MGST1: variants seen among roughly 807,000 people sequenced by gnomAD.
MGST1 encodes microsomal glutathione S-transferase 1.
A neutral mutation model predicts 8.9 loss-of-function variants in MGST1; 5 were observed. The observed-to-expected ratio is 0.56, with a 90% CI of 0.29 to 1.19. The LOEUF is 1.19. Ranked by LOEUF, MGST1 falls within the 50% of genes most tolerant of loss-of-function variation. The pLI is 0.08. For missense variants in MGST1, 182 were observed against 187.4 expected (o/e 0.97, Z 0.17); for synonymous variants, 54 against 67.8 (o/e 0.80, Z 1.00).
chr12:16,566,041 A>ATAT (rs1942599289), intron 4 of MGST1, among the ~76,000 whole-genome samples: 1 of 90,764 alleles, frequency 1.1e-5, no homozygotes, highest in African/African-American at 4.0e-5. Flanking sequence ...TATATATATA[A>ATAT]AATGGAGTAC....
intron 4 of MGST1, among the ~76,000 whole-genome samples, chr12:16,483,472 A>G (rs1941378573): frequency 1.3e-5 from 2 of 152,154 alleles, no homozygotes; most frequent in African/African-American, 2.4e-5. Context: ...CAAGGCAAAT[A>G]GAGCATAAAA....
At chr12:16,367,056 ATAGG>A (rs1472621549), downstream of MGST1, among the ~76,000 whole-genome samples, 2 of 152,194 alleles carry the variant, frequency 1.3e-5, no homozygotes, top group African/African-American at 4.8e-5. Context: ...AATCTTCTTA[ATAGG>A]TGGGACATCT....
chr12:16,363,933 A>G lies in MGST1; in HGVS notation c.360A>G (p.Ala120=), dbSNP rs143321623. The G allele has an allele frequency of 9.4e-5, 151 of 1,613,770 alleles. No homozygotes were observed. The highest frequency in any genetic ancestry group is 1.1e-4 in the Non-Finnish European group (134 of 1,179,902). The part of the protein sequence containing the change: ...FVGARIYHTI[A]YLTPLPQPNR... ...GAGCACGGATCTACCACACCATTGC[A>G]TATTTGACACCCCTTCCCCAGCCAA... The change falls in exon 4 of 4, where the codon GCA becomes GCG. Residue 120 remains alanine, a synonymous_variant. Transcript: ENST00000396210. This position sits in a 1 kb window ranked among gnomAD's most constrained non-coding sequence, Gnocchi z 4.6.
At chr12:16,391,249 C>A (rs567170226) in intron 1 of MGST1, among the ~76,000 whole-genome samples, 13 of 151,740 alleles carry the variant, frequency 8.6e-5, no homozygotes, top group African/African-American at 3.1e-4. Context: ...GCTATCAACC[C>A]ATCATCTAGG....
chr12:16,447,748 G>A (rs1039456120), intron 4 of MGST1, among the ~76,000 whole-genome samples: 1 of 151,984 alleles, frequency 6.6e-6, no homozygotes. Context: ...CCTGGTGGAA[G>A]ATTATGGTGC....
chr12:16,539,126 C>A (rs891840166), intron 4 of MGST1, among the ~76,000 whole-genome samples: 15 of 152,152 alleles, frequency 9.9e-5, no homozygotes, highest in Admixed American at 2.0e-4. Flanking sequence ...GGCGGGGACA[C>A]AGAGCCAAAC....
At chr12:16,414,508 C>T (rs868637338) in intron 1 of MGST1, among the ~76,000 whole-genome samples, 14 of 151,692 alleles carry the variant, frequency 9.2e-5, no homozygotes, top group African/African-American at 2.2e-4. Flanking sequence ...CTCCATCTCC[C>T]GGGTTCACAC....
Position 16,349,375 on chromosome 12 carries a change from G to T in MGST1, c.-23+1665G>T, listed in dbSNP as rs185714212. 1.3e-4 allele frequency among the ~76,000 whole-genome samples: 20 copies of T among 152,210 alleles called. No homozygotes were observed. In the East Asian group the frequency reaches 3.3e-3, roughly 25 times the overall value. ...TCTGCTAGATAGTACGGGGGTTTGG[G>T]GGGAGGGGTAGAAAACAGGAATGAG... On this transcript the variant is annotated intron_variant, in intron 1 of 3. Coordinates refer to ENST00000396210, the MANE Select transcript of MGST1 (RefSeq NM_020300.5).
At chr12:16,542,550 T>C (rs535077987) in intron 4 of MGST1, among the ~76,000 whole-genome samples, 2 of 152,328 alleles carry the variant, frequency 1.3e-5, no homozygotes, top group South Asian at 4.1e-4. Flanking sequence ...CTCAGAGTCA[T>C]ACTTGACCCT....
At chr12:16,514,771 C>A (rs1007382746) in intron 4 of MGST1, among the ~76,000 whole-genome samples, 4 of 152,230 alleles carry the variant, frequency 2.6e-5, no homozygotes, top group Admixed American at 2.6e-4. Context: ...GTAAGTGGAT[C>A]ATTTCCTTCA....
intron 1 of MGST1, among the ~76,000 whole-genome samples, chr12:16,422,793 C>A (rs981535679): frequency 6.6e-6 from 1 of 152,150 alleles, no homozygotes; most frequent in Non-Finnish European, 1.5e-5. Context: ...TTATCCAATC[C>A]CTCACAAATT....
chr12:16,473,534 T>C (rs1226371948), intron 4 of MGST1, among the ~76,000 whole-genome samples: 1 of 145,668 alleles, frequency 6.9e-6, no homozygotes, highest in Non-Finnish European at 1.5e-5. Flanking sequence ...CTAATAGCCA[T>C]TTTTTTGTTG....
At position 16,401,169 on chromosome 12, in the gene MGST1, G is replaced by A. The variant is rs1940652394; in HGVS notation, n.778+17565G>A. The A allele has an allele frequency of 1.3e-6, 2 of 1,558,808 alleles. No individual in the cohort carries two copies. Among genetic ancestry groups the A allele is most frequent in the African/African-American group, 1.4e-5 (1 of 73,856 alleles). On this transcript the variant is annotated intron_variant and non_coding_transcript_variant, in intron 1 of 1. Transcript: ENST00000359720. The surrounding 1 kb of genome is among the most constrained non-coding windows in gnomAD (Gnocchi z 4.3). ...TCTTCACTTTCTTCTTCACAGAAGT[G>A]AGAACAGTAGCTGGGCCATCCTCAT...
chr12:16,443,475 A>G (rs1005551507), downstream of MGST1, among the ~76,000 whole-genome samples: 1 of 150,826 alleles, frequency 6.6e-6, no homozygotes, highest in Non-Finnish European at 1.5e-5. Context: ...TCTTTATTTT[A>G]TCTCCTCTAT....
At chr12:16,470,894 C>G (rs746228201) in intron 4 of MGST1, among the ~76,000 whole-genome samples, 2 of 152,070 alleles carry the variant, frequency 1.3e-5, no homozygotes, top group African/African-American at 2.4e-5. Context: ...AAATTTCCAC[C>G]AACCTCCCTT....
At chr12:16,511,108 T>C (rs1473642825) in intron 4 of MGST1, among the ~76,000 whole-genome samples, 1 of 152,256 alleles carries the variant, frequency 6.6e-6, no homozygotes, top group East Asian at 1.9e-4. Context: ...TAATATAATT[T>C]TTAAATTGTT....
chr12:16,445,919 A>G (rs1309268487), intron 4 of MGST1, among the ~76,000 whole-genome samples: 1 of 151,972 alleles, frequency 6.6e-6, no homozygotes. Flanking sequence ...TTAGTTTCAG[A>G]TCTTTCTACT....
At chr12:16,364,738 C>A (rs1291253235), downstream of MGST1, among the ~76,000 whole-genome samples, 1 of 152,056 alleles carries the variant, frequency 6.6e-6, no homozygotes, top group African/African-American at 2.4e-5. The surrounding 1 kb of genome is among the most constrained non-coding windows in gnomAD (Gnocchi z 5.7). Context: ...GTCCTTATTC[C>A]AATTTTTTCA....
chr12:16,545,535 T>A (rs1227957043), intron 4 of MGST1, among the ~76,000 whole-genome samples: 1 of 152,058 alleles, frequency 6.6e-6, no homozygotes, highest in East Asian at 1.9e-4. Context: ...ACAAATAGTA[T>A]ACTTGTTGTA....
Sources: allele counts gnomAD v4.1 joint callset (sites outside exome capture counted in the v4.1 genomes callset), GRCh38; gene constraint gnomAD v4.1.1; non-coding constraint Gnocchi (gnomAD v3.1); transcripts MANE v1.5; gene names NCBI Gene and HGNC (gene_info 2026-07-23, HGNC 2026-07-21).